SCFD2: variants seen among roughly 807,000 people sequenced by gnomAD.
SCFD2 encodes sec1 family domain-containing protein 2.
Under a neutral mutation model 58.9 loss-of-function variants are expected in SCFD2, and 54 were observed. The ratio of observed to expected loss-of-function variants is 0.92; its 90% CI spans 0.74 to 1.15. The LOEUF (loss-of-function observed/expected upper bound fraction) is 1.15, where lower values mean the gene tolerates loss of function less well. Among genes scored for constraint, SCFD2 ranks in the 50% most tolerant of loss-of-function variants. The pLI is 0.00. For synonymous variants in SCFD2, 321 were observed against 335.9 expected, an observed-to-expected ratio of 0.96 and a Z score of 0.49; for missense variants, 805 against 836.6, an observed-to-expected ratio of 0.96 and a Z score of 0.47.
chr4:53,255,368 A>AGTGTTT (rs1254149299), intron 4 of SCFD2, among the ~76,000 whole-genome samples: 9 of 152,248 alleles, frequency 5.9e-5, no homozygotes, highest in South Asian at 2.1e-4. Flanking sequence ...GGCCTTCCGC[A>AGTGTTT]GTGTTTGTGT....
chr4:53,298,381 A>G (rs1732128662), intron 3 of SCFD2, among the ~76,000 whole-genome samples: 1 of 152,174 alleles, frequency 6.6e-6, no homozygotes, highest in Non-Finnish European at 1.5e-5. Context: ...ACGGCAAGGC[A>G]GTAGCGAGGC....
intron 5 of SCFD2, among the ~76,000 whole-genome samples, chr4:53,136,717 C>T (rs1261515417): frequency 6.6e-6 from 1 of 152,172 alleles, no homozygotes; most frequent in Non-Finnish European, 1.5e-5. Flanking sequence ...GAAATCAGCA[C>T]ACAACTACTA....
chr4:52,929,522 T>A (rs1019433210), intron 5 of SCFD2, among the ~76,000 whole-genome samples: 4 of 152,176 alleles, frequency 2.6e-5, no homozygotes, highest in Non-Finnish European at 5.9e-5. Flanking sequence ...TGTGACATGG[T>A]TGCAAGTGGC....
intron 5 of SCFD2, among the ~76,000 whole-genome samples, chr4:52,923,161 G>A (rs561557725): frequency 6.6e-6 from 1 of 152,036 alleles, no homozygotes; most frequent in Non-Finnish European, 1.5e-5. Flanking sequence ...CTGGTTTCCA[G>A]AAATGTCCAA....
At chr4:53,330,624 C>A (rs2149131307) in intron 2 of SCFD2, among the ~76,000 whole-genome samples, 1 of 152,110 alleles carries the variant, frequency 6.6e-6, no homozygotes, top group Admixed American at 6.5e-5. Context: ...ACAACCAGTA[C>A]CAGCCGCTGC....
Position 52,873,770 on chromosome 4 carries a change from C to CTTTTTTT in SCFD2, c.*192_*198dup. 3.0e-6 allele frequency: 1 copy of CTTTTTTT among 331,972 alleles called. No homozygotes were observed. Among genetic ancestry groups the CTTTTTTT allele is most frequent in the Non-Finnish European group, 5.4e-6 (1 of 185,400 alleles). 20.6% of individuals were successfully genotyped at this position (331,972 alleles called of 1,614,324 possible). ...TGTCGCCTTCAGGAAAATAAAAAAA[C>CTTTTTTT]TTTTTTTTTTTTTTTTTAAGAATCA... On this transcript the variant is annotated 3_prime_UTR_variant, in exon 9 of 9. Transcript: ENST00000401642.
intron 5 of SCFD2, among the ~76,000 whole-genome samples, chr4:53,138,382 C>G (rs1726005995): frequency 6.6e-6 from 1 of 152,126 alleles, no homozygotes; most frequent in Non-Finnish European, 1.5e-5. Context: ...CAAGTTTACA[C>G]AGATCTTTAA....
intron 4 of SCFD2, among the ~76,000 whole-genome samples, chr4:53,255,863 C>T (rs1192954969): frequency 6.7e-6 from 1 of 149,960 alleles, no homozygotes; most frequent in African/African-American, 2.5e-5. Context: ...ACCTCCATCC[C>T]GGACGGGGCG....
chr4:52,945,558 A>G (rs147522643), intron 5 of SCFD2: 3 of 152,334 alleles, frequency 2.0e-5, no homozygotes, highest in Non-Finnish European at 4.4e-5. Context: ...CTTAGTGTTC[A>G]TCCATGGAAA....
At chr4:52,977,666 G>C (rs1721285023) in intron 5 of SCFD2, among the ~76,000 whole-genome samples, 1 of 152,138 alleles carries the variant, frequency 6.6e-6, no homozygotes, top group Non-Finnish European at 1.5e-5. Context: ...AGACTGAATG[G>C]CTGGCTAGAT....
intron 5 of SCFD2, among the ~76,000 whole-genome samples, chr4:52,928,736 G>GCCTATA: frequency 6.6e-6 from 1 of 152,118 alleles, no homozygotes; most frequent in Non-Finnish European, 1.5e-5. Flanking sequence ...AAATGACAAA[G>GCCTATA]GAAGACAGGT....
At chr4:53,328,873 G>A (rs1348011376) in intron 2 of SCFD2, among the ~76,000 whole-genome samples, 2 of 152,228 alleles carry the variant, frequency 1.3e-5, no homozygotes, top group African/African-American at 2.4e-5. Context: ...AGTGGGCGCA[G>A]GTCAGTGGGT....
At chr4:52,934,574 G>T (rs1720089584) in intron 5 of SCFD2, among the ~76,000 whole-genome samples, 1 of 152,184 alleles carries the variant, frequency 6.6e-6, no homozygotes, top group Admixed American at 6.5e-5. Context: ...AAGCCTCTAG[G>T]AATTGCAGCT....
chr4:53,122,714 C>T (rs1323364208), intron 5 of SCFD2, among the ~76,000 whole-genome samples: 2 of 152,148 alleles, frequency 1.3e-5, no homozygotes, highest in African/African-American at 4.8e-5. Context: ...CCTCTCTAAG[C>T]CCAGTCTTCC....
intron 5 of SCFD2, among the ~76,000 whole-genome samples, chr4:52,927,546 T>A (rs1437660655): frequency 6.6e-6 from 1 of 152,252 alleles, no homozygotes; most frequent in African/African-American, 2.4e-5. Context: ...CCATTTTTAC[T>A]GAGTCTTTCA....
chr4:53,134,353 C>A (rs912516217), intron 5 of SCFD2, among the ~76,000 whole-genome samples: 17 of 150,332 alleles, frequency 1.1e-4, no homozygotes, highest in Admixed American at 5.3e-4. Flanking sequence ...GTTCTTATCA[C>A]AATAAAATAA....
intron 5 of SCFD2, among the ~76,000 whole-genome samples, chr4:52,985,021 TG>T (rs1721456702): frequency 6.6e-6 from 1 of 152,200 alleles, no homozygotes; most frequent in Non-Finnish European, 1.5e-5. Flanking sequence ...AGAAAAGCTA[TG>T]GGGAATTTTG....
intron 5 of SCFD2, among the ~76,000 whole-genome samples, chr4:53,054,727 C>T (rs1186681695): frequency 2.0e-5 from 3 of 151,934 alleles, no homozygotes; most frequent in African/African-American, 7.3e-5. Context: ...ATCACAGCTG[C>T]TTAGCAGCCT....
At chr4:53,055,611 G>C (rs112585253) in intron 5 of SCFD2, among the ~76,000 whole-genome samples, 16 of 151,978 alleles carry the variant, frequency 1.1e-4, no homozygotes, top group African/African-American at 3.4e-4. Flanking sequence ...ACAGATCTGA[G>C]GGAACAGCTA....
Sources: allele counts gnomAD v4.1 joint callset (sites outside exome capture counted in the v4.1 genomes callset), GRCh38; gene constraint gnomAD v4.1.1; transcripts MANE v1.5; gene names NCBI Gene and HGNC (gene_info 2026-07-23, HGNC 2026-07-21).